The following ROBO2 variants were observed in gnomAD, a reference collection of about 807,000 sequenced individuals.
ROBO2 encodes roundabout guidance receptor 2.
ROBO2 carries 53 observed loss-of-function variants against 160.8 expected under a neutral mutation model. The ratio of observed to expected loss-of-function variants is 0.33; its 90% confidence interval spans 0.26 to 0.41. The LOEUF (loss-of-function observed/expected upper bound fraction) is 0.41. Among genes scored for constraint, ROBO2 ranks in the 10% least tolerant of loss-of-function variants. The probability of loss-of-function intolerance (pLI) is 1.00; values close to 1 mark genes in which losing one functional copy is unlikely to be tolerated. For synonymous variants in ROBO2, 664 were observed against 611.7 expected (o/e 1.09, Z -1.26); for missense variants, 1,577 against 1,722.4 (o/e 0.92, Z 1.49).
At chr3:76,191,366 C>A (rs1701995222) in intron 2 of ROBO2, among the ~76,000 whole-genome samples, 1 of 152,090 alleles carries the variant, frequency 6.6e-6, no homozygotes, top group African/African-American at 2.4e-5. Context: ...AGCTGACCTA[C>A]ACCAGGTAAA....
At chr3:77,411,418 T>C (rs2076792585) in intron 2 of ROBO2, among the ~76,000 whole-genome samples, 1 of 152,160 alleles carries the variant, frequency 6.6e-6, no homozygotes, top group Non-Finnish European at 1.5e-5. Context: ...AAAATGGCAT[T>C]ATATGTGTCA....
At chr3:76,617,489 C>T (rs2088685730) in intron 2 of ROBO2, among the ~76,000 whole-genome samples, 1 of 152,232 alleles carries the variant, frequency 6.6e-6, no homozygotes, top group Middle Eastern at 3.4e-3. Context: ...GTTACTGTTA[C>T]AATGGTATTA....
chr3:76,223,542 T>C (rs547605720), intron 2 of ROBO2, among the ~76,000 whole-genome samples: 1 of 152,102 alleles, frequency 6.6e-6, no homozygotes, highest in African/African-American at 2.4e-5. Flanking sequence ...ATCAGGAGCT[T>C]TCCAGACATC....
chr3:76,960,341 T>A (rs541475850), intron 2 of ROBO2, among the ~76,000 whole-genome samples: 1 of 152,140 alleles, frequency 6.6e-6, no homozygotes, highest in Non-Finnish European at 1.5e-5. Flanking sequence ...TCTTTTTATA[T>A]TTCCTATTGC....
intron 2 of ROBO2, among the ~76,000 whole-genome samples, chr3:76,466,679 G>T (rs182241329): frequency 3.9e-5 from 6 of 151,968 alleles, no homozygotes; most frequent in Admixed American, 3.9e-4. Flanking sequence ...GCTCTGGCTA[G>T]CTTTCAGCAT....
At chr3:75,984,889 C>T (rs936302396) in intron 2 of ROBO2, among the ~76,000 whole-genome samples, 5 of 151,190 alleles carry the variant, frequency 3.3e-5, no homozygotes, top group Non-Finnish European at 7.4e-5. Context: ...GTATAATGTA[C>T]TGGTTTATTT....
At chr3:76,397,727 C>T (rs533775945) in intron 2 of ROBO2, among the ~76,000 whole-genome samples, 1 of 152,278 alleles carries the variant, frequency 6.6e-6, no homozygotes, top group East Asian at 1.9e-4. Context: ...TGAAAAAATG[C>T]TCACCATCAC....
At chr3:77,200,312 TATATATATATTTTAG>T (rs1579915098) in intron 2 of ROBO2, among the ~76,000 whole-genome samples, 1 of 90,712 alleles carries the variant, frequency 1.1e-5, no homozygotes, top group African/African-American at 4.5e-5. Context: ...TATATATATA[TATATATATATTTTAG>T]TTTCTATAGG....
At chr3:77,398,158 G>C (rs2075454195) in intron 2 of ROBO2, among the ~76,000 whole-genome samples, 1 of 152,132 alleles carries the variant, frequency 6.6e-6, no homozygotes, top group African/African-American at 2.4e-5. Flanking sequence ...AATTATATGA[G>C]CTTCTGGGTT....
At chr3:76,917,263 G>A (rs962617889) in intron 2 of ROBO2, among the ~76,000 whole-genome samples, 4 of 152,162 alleles carry the variant, frequency 2.6e-5, no homozygotes, top group African/African-American at 9.7e-5. Flanking sequence ...TAGGATCATT[G>A]CTATGTGCTT....
At chr3:76,855,300 T>G (rs952449248) in intron 2 of ROBO2, among the ~76,000 whole-genome samples, 1 of 152,192 alleles carries the variant, frequency 6.6e-6, no homozygotes, top group Non-Finnish European at 1.5e-5. Context: ...TAATTGATGT[T>G]CAAGGAGTGG....
chr3:76,587,266 C>G (rs2086106092), intron 2 of ROBO2, among the ~76,000 whole-genome samples: 1 of 152,092 alleles, frequency 6.6e-6, no homozygotes, highest in Non-Finnish European at 1.5e-5. Flanking sequence ...AGGGGCTTTT[C>G]CTTTTCCCTT....
chr3:77,546,354 G>A, exon 7 of ROBO2: 2 of 1,612,986 alleles, frequency 1.2e-6, no homozygotes, highest in Non-Finnish European at 1.7e-6. Flanking sequence ...CACAGTTTGT[G>A]GTTCGGCCAA....
At chr3:76,703,069 A>G (rs945811890) in intron 2 of ROBO2, among the ~76,000 whole-genome samples, 19 of 152,172 alleles carry the variant, frequency 1.2e-4, no homozygotes, top group Non-Finnish European at 1.5e-5. Context: ...ATATATCATG[A>G]ACCACTACTA....
At chr3:76,489,039 C>T (rs533600678) in intron 2 of ROBO2, among the ~76,000 whole-genome samples, 196 of 130,882 alleles carry the variant, frequency 1.5e-3, no homozygotes, top group South Asian at 1.0e-2. Context: ...TAGCCAAGAT[C>T]GCACCACTGC....
At chr3:77,009,292 G>A (rs928690302) in intron 2 of ROBO2, among the ~76,000 whole-genome samples, 8 of 152,066 alleles carry the variant, frequency 5.3e-5, no homozygotes, top group East Asian at 1.9e-4. Flanking sequence ...AATTGATTGC[G>A]GTTTGCAGTT....
chr3:76,514,011 A>C (rs1336976429), intron 2 of ROBO2, among the ~76,000 whole-genome samples: 1 of 152,228 alleles, frequency 6.6e-6, no homozygotes, highest in Non-Finnish European at 1.5e-5. Context: ...ATATATGATT[A>C]GAATTGATGT....
rs150321218 is a variant in ROBO2, at chr3:76,896,606, A to G, written c.110-201408A>G. Among the ~76,000 whole-genome samples, 1,447 of 152,300 alleles carry G rather than the reference A, an allele frequency of 9.5e-3. 13 individuals are homozygous for G. The highest frequency in any genetic ancestry group is 0.017 in the Middle Eastern group (5 of 294). On this transcript the variant is annotated intron_variant, in intron 2 of 26. Transcript: ENST00000487694. Reference sequence around the variant, plus strand: ...ATTCTTAATTGAGAATGTCCGGTTCAGTTAAAAAAGTTAGTATTAGAATCT... The same window carrying G: ...ATTCTTAATTGAGAATGTCCGGTTCGGTTAAAAAAGTTAGTATTAGAATCT...
chr3:76,530,149 T>G (rs1560100098), intron 2 of ROBO2, among the ~76,000 whole-genome samples: 1 of 152,166 alleles, frequency 6.6e-6, no homozygotes, highest in Non-Finnish European at 1.5e-5. Context: ...CTTACTTTGG[T>G]CATCACGACT....
Sources: allele counts gnomAD v4.1 joint callset (sites outside exome capture counted in the v4.1 genomes callset), GRCh38; gene constraint gnomAD v4.1.1; transcripts MANE v1.5; gene names NCBI Gene and HGNC (gene_info 2026-07-23, HGNC 2026-07-21).